The following EXOC6B variants were observed in gnomAD, a reference collection of about 807,000 sequenced individuals.
EXOC6B encodes the protein SEC15 homolog B.
Under a neutral mutation model 113.5 loss-of-function variants are expected in EXOC6B, and 54 were observed. The observed-to-expected ratio is 0.48, with a 90% CI of 0.38 to 0.60. The LOEUF (loss-of-function observed/expected upper bound fraction) is 0.60. Among genes scored for constraint, EXOC6B ranks in the 20% least tolerant of loss-of-function variants. The pLI is 0.00. For missense variants in EXOC6B, 797 were observed against 977.5 expected, an observed-to-expected ratio of 0.82 and a Z score of 2.46; for synonymous variants, 357 against 339.0, an observed-to-expected ratio of 1.05 and a Z score of -0.58.
intron 20 of EXOC6B, among the ~76,000 whole-genome samples, chr2:72,332,693 A>G (rs1002435983): frequency 5.9e-5 from 9 of 152,122 alleles, no homozygotes; most frequent in Admixed American, 2.0e-4. Flanking sequence ...GTATAAAGCC[A>G]AATGTTATAC....
chr2:72,617,984 G>A (rs1671507657), intron 6 of EXOC6B, among the ~76,000 whole-genome samples: 1 of 152,124 alleles, frequency 6.6e-6, no homozygotes, highest in African/African-American at 2.4e-5. Context: ...AGACATCTTA[G>A]TTGTTCAGTA....
At chr2:72,536,107 A>C (rs1366313476) in intron 8 of EXOC6B, among the ~76,000 whole-genome samples, 3 of 152,160 alleles carry the variant, frequency 2.0e-5, no homozygotes, top group African/African-American at 7.2e-5. Flanking sequence ...CCCTCAGTTC[A>C]AGATACATTG....
intron 6 of EXOC6B, among the ~76,000 whole-genome samples, chr2:72,634,428 G>A (rs1672689017): frequency 6.6e-6 from 1 of 152,116 alleles, no homozygotes; most frequent in South Asian, 2.1e-4. Flanking sequence ...GACTTCCAAT[G>A]CCTCCAGGCT....
intron 6 of EXOC6B, among the ~76,000 whole-genome samples, chr2:72,604,238 TC>T (rs1255058202): frequency 6.6e-6 from 1 of 151,948 alleles, no homozygotes; most frequent in African/African-American, 2.4e-5. Context: ...CCTAGAGACT[TC>T]CCCCTGAGAG....
At chr2:72,548,853 G>A (rs998936539) in intron 8 of EXOC6B, among the ~76,000 whole-genome samples, 1 of 152,032 alleles carries the variant, frequency 6.6e-6, no homozygotes, top group Non-Finnish European at 1.5e-5. Flanking sequence ...ATGTGAAGGA[G>A]TAGGGGGTCC....
At chr2:72,681,261 T>C (rs1676678748) in intron 6 of EXOC6B, among the ~76,000 whole-genome samples, 1 of 152,162 alleles carries the variant, frequency 6.6e-6, no homozygotes, top group Non-Finnish European at 1.5e-5. Context: ...TGGAATAGAA[T>C]TTCACCCTTA....
intron 18 of EXOC6B, among the ~76,000 whole-genome samples, chr2:72,386,625 A>G (rs1005102598): frequency 1.3e-5 from 2 of 152,198 alleles, no homozygotes; most frequent in Non-Finnish European, 2.9e-5. Flanking sequence ...GCTACTTCAG[A>G]GGGTGCAAGC....
At position 72,769,790 on chromosome 2, in the gene EXOC6B, C is replaced by A. The variant is rs112138939; in HGVS notation, c.114-28321G>T. 1.5e-4 allele frequency among the ~76,000 whole-genome samples: 23 copies of A among 151,798 alleles called. 2 individuals are homozygous for A. The highest frequency in any genetic ancestry group is 4.6e-4 in the African/African-American group (19 of 41,402). On this transcript the variant is annotated intron_variant, in intron 1 of 21. Coordinates refer to ENST00000272427, the MANE Select transcript of EXOC6B (RefSeq NM_015189.3). ...TCGTGCCACTGCACTCCAGCCTGGG[C>A]GACAGAGCAAGACTCCATCTCAAAA...
intron 8 of EXOC6B, among the ~76,000 whole-genome samples, chr2:72,526,928 A>T (rs1485467535): frequency 6.6e-6 from 1 of 151,904 alleles, no homozygotes; most frequent in African/African-American, 2.4e-5. Context: ...CAGTCCCCCA[A>T]ATTTAAACAT....
intron 6 of EXOC6B, among the ~76,000 whole-genome samples, chr2:72,587,118 T>C (rs1031450294): frequency 1.3e-4 from 20 of 152,166 alleles, no homozygotes; most frequent in South Asian, 4.1e-4. Context: ...AACTCACATG[T>C]TCATTGCAGC....
At chr2:72,621,851 G>A (rs1271822722) in intron 6 of EXOC6B, among the ~76,000 whole-genome samples, 34 of 152,084 alleles carry the variant, frequency 2.2e-4, no homozygotes. Context: ...GAAGAGCTTG[G>A]CATCCTGGAA....
At chr2:72,220,554 T>C (rs561383225) in intron 20 of EXOC6B, among the ~76,000 whole-genome samples, 17 of 152,314 alleles carry the variant, frequency 1.1e-4, no homozygotes, top group Non-Finnish European at 2.2e-4. Context: ...TAAAAAGTGA[T>C]CTAGGCTTGT....
chr2:72,601,845 A>G (rs1253224330), intron 6 of EXOC6B, among the ~76,000 whole-genome samples: 1 of 152,236 alleles, frequency 6.6e-6, no homozygotes, highest in Non-Finnish European at 1.5e-5. Flanking sequence ...TGGAAATAAA[A>G]TGATATACAC....
intron 19 of EXOC6B, 144 bp downstream of exon 19, chr2:72,379,585 G>A (rs1303125123): frequency 1.4e-6 from 1 of 720,832 alleles, no homozygotes; most frequent in Non-Finnish European, 2.1e-6. Flanking sequence ...TCTATTTCTA[G>A]ATGTTCTATA....
chr2:72,287,002 C>T (rs572077486), intron 20 of EXOC6B, among the ~76,000 whole-genome samples: 2 of 151,666 alleles, frequency 1.3e-5, no homozygotes, highest in African/African-American at 4.8e-5. Flanking sequence ...AAATGTATTG[C>T]TTTAAATGCA....
intron 5 of EXOC6B, among the ~76,000 whole-genome samples, chr2:72,729,705 G>A (rs1379709456): frequency 6.6e-6 from 1 of 152,120 alleles, no homozygotes; most frequent in African/African-American, 2.4e-5. Flanking sequence ...GATTACAGGT[G>A]TGAGCCACTG....
intron 6 of EXOC6B, among the ~76,000 whole-genome samples, chr2:72,577,641 A>G (rs1704958357): frequency 6.6e-6 from 1 of 151,864 alleles, no homozygotes. Context: ...GGAGGTGGTG[A>G]AGACTAAATA....
intron 8 of EXOC6B, among the ~76,000 whole-genome samples, chr2:72,538,280 A>G (rs1405444222): frequency 6.6e-6 from 1 of 152,030 alleles, no homozygotes; most frequent in East Asian, 1.9e-4. Flanking sequence ...ACTATAAGAG[A>G]GATGGGATAA....
chr2:72,599,189 T>C (rs1331941232), intron 6 of EXOC6B, among the ~76,000 whole-genome samples: 1 of 152,030 alleles, frequency 6.6e-6, no homozygotes, highest in Admixed American at 6.6e-5. Flanking sequence ...CAACAATGTA[T>C]AAAAAGAATT....
Sources: allele counts gnomAD v4.1 joint callset (sites outside exome capture counted in the v4.1 genomes callset), GRCh38; gene constraint gnomAD v4.1.1; transcripts MANE v1.5; gene names NCBI Gene and HGNC (gene_info 2026-07-23, HGNC 2026-07-21).